MIR2052HG: variants seen among roughly 807,000 people sequenced by gnomAD.
MIR2052HG encodes the protein MIR2052 host gene.
intron 2 of MIR2052HG, among the ~76,000 whole-genome samples, chr8:74,631,852 G>C (rs1808515544): frequency 1.3e-5 from 2 of 152,146 alleles, no homozygotes; most frequent in Non-Finnish European, 2.9e-5. Context: ...CAAATGCTGT[G>C]TCTTCACATG....
intron 4 of MIR2052HG, among the ~76,000 whole-genome samples, chr8:74,729,938 GA>G (rs1245952212): frequency 1.3e-5 from 2 of 152,140 alleles, no homozygotes; most frequent in Non-Finnish European, 2.9e-5. Flanking sequence ...GTGACTATAG[GA>G]AAAGAAATAA....
chr8:74,613,178 T>C (rs932980204), intron 2 of MIR2052HG, among the ~76,000 whole-genome samples: 18 of 152,190 alleles, frequency 1.2e-4, no homozygotes, highest in African/African-American at 3.9e-4. Context: ...ACTACAAATA[T>C]AGCAAGTGTG....
chr8:74,682,589 A>G (rs1809137665), intron 2 of MIR2052HG, among the ~76,000 whole-genome samples: 1 of 152,148 alleles, frequency 6.6e-6, no homozygotes, highest in Non-Finnish European at 1.5e-5. Flanking sequence ...AGGAAAATGC[A>G]AATAAAAGCT....
At chr8:74,600,506 G>T (rs200589862) in intron 1 of MIR2052HG, among the ~76,000 whole-genome samples, 2 of 150,822 alleles carry the variant, frequency 1.3e-5, no homozygotes, top group African/African-American at 4.9e-5. Flanking sequence ...GGCATGAACC[G>T]GGGAGGCGGA....
chr8:74,748,960 G>A (rs925656158), intron 4 of MIR2052HG, among the ~76,000 whole-genome samples: 1 of 152,124 alleles, frequency 6.6e-6, no homozygotes, highest in African/African-American at 2.4e-5. Context: ...AAGCTGGTGG[G>A]TCTGCTTTTC....
At chr8:74,680,350 TCAAA>T (rs1000704832) in intron 2 of MIR2052HG, among the ~76,000 whole-genome samples, 14 of 151,632 alleles carry the variant, frequency 9.2e-5, no homozygotes, top group Admixed American at 9.2e-4. Context: ...CACAATGAAC[TCAAA>T]CAAATTTACA....
At chr8:74,683,218 A>G (rs1388586971) in intron 2 of MIR2052HG, among the ~76,000 whole-genome samples, 2 of 152,170 alleles carry the variant, frequency 1.3e-5, no homozygotes, top group Non-Finnish European at 2.9e-5. Context: ...TAATGTTGCA[A>G]AATAAAACTG....
intron 4 of MIR2052HG, among the ~76,000 whole-genome samples, chr8:74,725,735 G>A (rs939690350): frequency 2.6e-5 from 4 of 152,038 alleles, no homozygotes; most frequent in East Asian, 1.9e-4. Context: ...TGCTGTCTCC[G>A]ATAGCCCTAC....
At chr8:74,678,003 A>C (rs1012268731) in intron 2 of MIR2052HG, among the ~76,000 whole-genome samples, 1 of 152,174 alleles carries the variant, frequency 6.6e-6, no homozygotes, top group African/African-American at 2.4e-5. Flanking sequence ...TTTCCAGGCA[A>C]ATTTATAGAA....
intron 2 of MIR2052HG, among the ~76,000 whole-genome samples, chr8:74,673,879 A>AT (rs1377165702): frequency 9.8e-5 from 10 of 101,642 alleles, no homozygotes; most frequent in Non-Finnish European, 1.3e-4. Context: ...TCAACACAGT[A>AT]TTTTTTTGTA....
rs1377699708 is a variant in MIR2052HG at position 74,617,178 on chromosome 8, G to A, written n.216+4238G>A. 2.6e-5 allele frequency among the ~76,000 whole-genome samples: 4 copies of A among 151,998 alleles called. No homozygotes were observed. In the East Asian group the frequency reaches 7.7e-4, roughly 29 times the overall value. On this transcript the variant is annotated intron_variant and non_coding_transcript_variant, in intron 2 of 6. Coordinates refer to ENST00000523442, the Ensembl canonical transcript of MIR2052HG. ...TAGTGGTGAAATCTGAGATTTTAGT[G>A]TACCCATCACTCAAATAGTGAGCAT...
chr8:74,646,929 A>AATAC (rs1808694734), intron 2 of MIR2052HG, among the ~76,000 whole-genome samples: 2 of 151,794 alleles, frequency 1.3e-5, no homozygotes, highest in Non-Finnish European at 2.9e-5. Context: ...CCCTGTCTCA[A>AATAC]ATAAATAAAT....
At chr8:74,703,794 G>A (rs1422718720) in intron 4 of MIR2052HG, 8 of 327,920 alleles carry the variant, frequency 2.4e-5, no homozygotes, top group South Asian at 5.1e-5. Flanking sequence ...AGCTGATAGC[G>A]GGTTAATACA....
chr8:74,602,877 T>TTTTCTTTCTTTCTTTC (rs1808041448), intron 1 of MIR2052HG, among the ~76,000 whole-genome samples: 5 of 53,784 alleles, frequency 9.3e-5, no homozygotes, highest in East Asian at 3.4e-4. Flanking sequence ...TTCTTTCTTT[T>TTTTCTTTCTTTCTTTC]TTCTATTCAC....
chr8:74,697,310 C>G (rs1809309094), intron 2 of MIR2052HG, among the ~76,000 whole-genome samples: 1 of 152,030 alleles, frequency 6.6e-6, no homozygotes, highest in Non-Finnish European at 1.5e-5. Flanking sequence ...GTAAAACTGG[C>G]CTAGAAGGGA....
At chr8:74,676,763 T>A (rs989552254) in intron 2 of MIR2052HG, among the ~76,000 whole-genome samples, 3 of 151,994 alleles carry the variant, frequency 2.0e-5, no homozygotes, top group Admixed American at 6.6e-5. Context: ...CATTGTATGC[T>A]TGAAATTTGC....
chr8:74,742,829 A>G (rs2128755882), intron 4 of MIR2052HG, among the ~76,000 whole-genome samples: 1 of 152,216 alleles, frequency 6.6e-6, no homozygotes, highest in South Asian at 2.1e-4. Flanking sequence ...AGATGGTTGA[A>G]CTCATGACAT....
chr8:74,687,568 A>G (rs1809195678), intron 2 of MIR2052HG, among the ~76,000 whole-genome samples: 1 of 152,158 alleles, frequency 6.6e-6, no homozygotes, highest in African/African-American at 2.4e-5. Flanking sequence ...ACTAAGTAGA[A>G]TAAGCCAGGC....
At chr8:74,677,903 A>G (rs1381663824) in intron 2 of MIR2052HG, among the ~76,000 whole-genome samples, 2 of 152,202 alleles carry the variant, frequency 1.3e-5, no homozygotes, top group Non-Finnish European at 2.9e-5. Flanking sequence ...GATGAGACTG[A>G]TTGAGGAAAA....
Sources: allele counts gnomAD v4.1 joint callset (sites outside exome capture counted in the v4.1 genomes callset), GRCh38; gene constraint gnomAD v4.1.1; transcripts MANE v1.5; gene names NCBI Gene and HGNC (gene_info 2026-07-23, HGNC 2026-07-21).